ADAT1: variants seen among roughly 807,000 people sequenced by gnomAD.
ADAT1 encodes the protein adenosine deaminase tRNA specific 1, also known as tRNA-specific adenosine deaminase 1.
A neutral mutation model predicts 58.6 loss-of-function variants in ADAT1; 58 were observed. That is an observed-to-expected ratio of 0.99 (90% CI 0.80 to 1.23). ADAT1 has a LOEUF of 1.23. ADAT1 is among the 50% of genes most tolerant of loss of function. The pLI is 0.00. For synonymous variants in ADAT1, 254 were observed against 220.8 expected (o/e 1.15, Z -1.33); for missense variants, 741 against 608.6 (o/e 1.22, Z -2.29).
At chr16:75,606,379 T>C (rs1456903194) in intron 8 of ADAT1, among the ~76,000 whole-genome samples, 2 of 152,214 alleles carry the variant, frequency 1.3e-5, no homozygotes, top group Non-Finnish European at 2.9e-5. Flanking sequence ...GTAATAGGGC[T>C]GATCTGAATA....
At chr16:75,605,605 G>C (rs1187847751) in intron 8 of ADAT1, among the ~76,000 whole-genome samples, 2 of 152,096 alleles carry the variant, frequency 1.3e-5, no homozygotes, top group South Asian at 2.1e-4. Context: ...TTGTTGAAAA[G>C]TCAGCTGTAT....
chr16:75,613,013 AGT>A lies in ADAT1; in HGVS notation c.425-154_425-153del, dbSNP rs1168261636. The A allele has an allele frequency of 5.0e-5, 48 of 966,824 alleles. 1 individual carries two copies. In the Middle Eastern group the frequency reaches 9.7e-4, roughly 20 times the overall value. 59.9% of individuals were successfully genotyped at this position (966,824 alleles called of 1,614,324 possible). A position where few individuals can be genotyped will look rare whatever the true frequency, so the allele number is the denominator to read the frequency against. On this transcript the variant is annotated intron_variant, in intron 5 of 9. Coordinates refer to ENST00000564657, the MANE Select transcript of ADAT1 (RefSeq NM_001324445.2). ...AGAAACTCCGGAGGCAGAGCCCAGC[AGT>A]GTGTTTTTAACAAGCTCTCCAGGTG...
rs192332039 is a variant in ADAT1 at position 75,619,192 on chromosome 16, C to T, written c.239-552G>A. 1.1e-3 allele frequency among the ~76,000 whole-genome samples: 174 copies of T among 152,216 alleles called. 1 individual carries two copies. The highest frequency in any genetic ancestry group is 4.0e-3 in the African/African-American group (167 of 41,538). ...AGGCAAGGAGAATGGTAGAAGCCAACTCAAAGAGGAACCTGCTAGCTAGAA... is the reference window on the plus strand; with the variant it reads ...AGGCAAGGAGAATGGTAGAAGCCAATTCAAAGAGGAACCTGCTAGCTAGAA... On this transcript the variant is annotated intron_variant, in intron 3 of 9. Coordinates refer to ENST00000564657, the MANE Select transcript of ADAT1 (RefSeq NM_001324445.2).
At chr16:75,611,657 C>T (rs2081538675) in intron 6 of ADAT1, among the ~76,000 whole-genome samples, 1 of 151,884 alleles carries the variant, frequency 6.6e-6, no homozygotes, top group African/African-American at 2.4e-5. Flanking sequence ...GCTGGGATTA[C>T]AGTCGTGAGC....
intron 8 of ADAT1, 34 bp downstream of exon 8, chr16:75,608,190 A>G: frequency 6.4e-7 from 1 of 1,566,476 alleles, no homozygotes; most frequent in Non-Finnish European, 8.8e-7. Context: ...GTGAGTTCAC[A>G]GCCACCATCT....
chr16:75,597,702 G>A lies in ADAT1; in HGVS notation c.*2514C>T, dbSNP rs925303938. ...CCTGCAACTAGACAGTCCCATATGG[G>A]GGTTATGGAAGACACTGACAGATCA... On this transcript the variant is annotated 3_prime_UTR_variant, in exon 10 of 10. Coordinates refer to ENST00000564657, the MANE Select transcript of ADAT1 (RefSeq NM_001324445.2). Among the ~76,000 whole-genome samples, 1 of 152,158 alleles carries A rather than the reference G, an allele frequency of 6.6e-6. No homozygotes were observed. The highest frequency in any genetic ancestry group is 1.5e-5 in the Non-Finnish European group (1 of 68,026).
At chr16:75,611,631 C>A (rs542729677) in intron 6 of ADAT1, among the ~76,000 whole-genome samples, 2 of 152,220 alleles carry the variant, frequency 1.3e-5, no homozygotes, top group South Asian at 2.1e-4. Flanking sequence ...ATCCGCCCCC[C>A]TCGACCTCCC....
intron 8 of ADAT1, among the ~76,000 whole-genome samples, chr16:75,607,187 T>C (rs2081394317): frequency 6.6e-6 from 1 of 151,994 alleles, no homozygotes; most frequent in African/African-American, 2.4e-5. Flanking sequence ...CGTTTGTCAT[T>C]AGGGAAATGT....
At chr16:75,600,432 G>C in intron 9 of ADAT1, 84 bp from the exon 10 acceptor site, 1 of 1,569,170 alleles carries the variant, frequency 6.4e-7, no homozygotes, top group Non-Finnish European at 8.6e-7. Flanking sequence ...CAAGCAACTG[G>C]ACAGACTTGT....
In ADAT1 at chr16:75,612,403, G is replaced by C. The variant is rs145640913; in HGVS notation, c.883C>G (p.Arg295Gly). Reference sequence around the variant, plus strand: ...ATCTTGTCACTACAGGACATGGAGCGTGTTCTGTCTCCACGGCCTGGCTTC... The same window carrying C: ...ATCTTGTCACTACAGGACATGGAGCCTGTTCTGTCTCCACGGCCTGGCTTC... ...RVKPGRGDRT[R>G]SMSCSDKMAR... The change falls in exon 6 of 10, where the codon CGC becomes GGC. Residue 295 changes from arginine (R) to glycine (G), a missense_variant. Coordinates refer to ENST00000564657, the MANE Select transcript of ADAT1 (RefSeq NM_001324445.2). 1.9e-6 allele frequency: 3 copies of C among 1,614,216 alleles called. No homozygotes were observed. The highest frequency in any genetic ancestry group is 2.2e-5 in the South Asian group (2 of 91,088).
intron 1 of ADAT1, 36 bp downstream of exon 1, chr16:75,622,367 A>G (rs1013460485): frequency 9.2e-5 from 14 of 152,188 alleles, no homozygotes; most frequent in Admixed American, 8.5e-4. Context: ...AAAAGAAAGC[A>G]TGAGATCCTA....
chr16:75,602,933 A>C, intron 9 of ADAT1, 152 bp downstream of exon 9: 2 of 689,638 alleles, frequency 2.9e-6, no homozygotes, highest in South Asian at 1.7e-5. Flanking sequence ...GTATCTGCAA[A>C]TAGGGCTATG....
rs1230877174 is a variant in ADAT1, at chr16:75,620,256, C to T, written c.238+10G>A. 6.2e-7 allele frequency: 1 copy of T among 1,613,844 alleles called. No individual in the cohort carries two copies. The highest frequency in any genetic ancestry group is 1.7e-5 in the Admixed American group (1 of 60,022). On this transcript the variant is annotated intron_variant, in intron 3 of 9. Coordinates refer to ENST00000564657, the MANE Select transcript of ADAT1 (RefSeq NM_001324445.2). ...GCTAAATCTTTGTTTAGATTCCCACCCGTGCTTACCGTTCTTCCTCATTTT... is the reference window on the plus strand; with the variant it reads ...GCTAAATCTTTGTTTAGATTCCCACTCGTGCTTACCGTTCTTCCTCATTTT...
At chr16:75,618,508 C>CA (rs138618501) in intron 4 of ADAT1, 78 bp downstream of exon 4, 19,470 of 902,764 alleles carry the variant, frequency 0.022, 67 homozygotes, top group East Asian at 0.15. Flanking sequence ...TCTGTCCCCC[C>CA]CAAAAAAAAA....
intron 5 of ADAT1, among the ~76,000 whole-genome samples, chr16:75,616,044 G>T (rs1204437812): frequency 6.6e-6 from 1 of 150,672 alleles, no homozygotes; most frequent in African/African-American, 2.4e-5. Context: ...AGTCTTGCCG[G>T]GTCATCCAGG....
intron 6 of ADAT1, among the ~76,000 whole-genome samples, chr16:75,611,585 T>C (rs2081535524): frequency 6.6e-6 from 1 of 151,932 alleles, no homozygotes; most frequent in South Asian, 2.1e-4. Context: ...TTTCCTCATG[T>C]TACCTAGGCT....
intron 7 of ADAT1, 83 bp downstream of exon 7, chr16:75,608,760 G>T (rs2081436014): frequency 6.6e-7 from 1 of 1,520,776 alleles, no homozygotes; most frequent in Admixed American, 2.1e-5. Context: ...TACCTTCCTA[G>T]GCTGGGAGGA....
rs141047834 is a variant in ADAT1 at position 75,599,735 on chromosome 16, G to C, written c.*481C>G. 6.8e-5 allele frequency: 67 copies of C among 988,952 alleles called. No homozygotes were observed. The highest frequency in any genetic ancestry group is 6.6e-4 in the Admixed American group (11 of 16,670). The allele number at this position is 988,952 out of a possible 1,614,324, so 61.3% of individuals were successfully genotyped here. ...AGTAAGGTTAGCTTCAGCCAAGTCT[G>C]AGGCACAGAGCAGGATCACTGAAGA... On this transcript the variant is annotated 3_prime_UTR_variant, in exon 10 of 10. Transcript: ENST00000564657.
intron 5 of ADAT1, among the ~76,000 whole-genome samples, chr16:75,616,898 T>C (rs901273207): frequency 2.6e-5 from 4 of 152,240 alleles, no homozygotes; most frequent in Non-Finnish European, 1.5e-5. Context: ...ATTCTGAGAA[T>C]TGACTAATAG....
Sources: allele counts gnomAD v4.1 joint callset (sites outside exome capture counted in the v4.1 genomes callset), GRCh38; gene constraint gnomAD v4.1.1; transcripts MANE v1.5; gene names NCBI Gene and HGNC (gene_info 2026-07-23, HGNC 2026-07-21).